Variants in CCDC91 observed in about 807,000 individuals in gnomAD.
CCDC91 encodes coiled-coil domain containing 91.
In CCDC91, 48 loss-of-function variants were observed where a neutral mutation model predicts 63.2. The observed-to-expected ratio is 0.76, with a 90% CI of 0.60 to 0.97. The LOEUF is 0.97. CCDC91 is among the 50% of genes least tolerant of loss of function. CCDC91 has a pLI of 0.00. For synonymous variants in CCDC91, 167 were observed against 165.8 expected (o/e 1.01, Z -0.06); for missense variants, 500 against 494.6 (o/e 1.01, Z -0.10).
At chr12:28,237,986 A>AT (rs1329350181) in intron 1 of CCDC91, among the ~76,000 whole-genome samples, 2 of 151,900 alleles carry the variant, frequency 1.3e-5, no homozygotes, top group East Asian at 3.9e-4. Context: ...TTAATTCTTA[A>AT]TTTTTTCCCT....
chr12:28,494,800 C>T (rs919246315), intron 12 of CCDC91, among the ~76,000 whole-genome samples: 2 of 151,634 alleles, frequency 1.3e-5, no homozygotes, highest in Non-Finnish European at 2.9e-5. Context: ...TAGTTGTATA[C>T]CTGGTCCTAA....
chr12:28,483,306 G>A (rs1426484086), intron 11 of CCDC91, among the ~76,000 whole-genome samples: 2 of 151,942 alleles, frequency 1.3e-5, no homozygotes, highest in African/African-American at 4.8e-5. Context: ...AAAAAGGGTG[G>A]TACCTATAGA....
intron 12 of CCDC91, among the ~76,000 whole-genome samples, chr12:28,540,044 G>A (rs1445123373): frequency 1.3e-5 from 2 of 152,110 alleles, no homozygotes; most frequent in African/African-American, 2.4e-5. Context: ...TTTCACTTGT[G>A]TAGTTAGCCA....
chr12:28,282,096 A>G (rs1177712015), intron 3 of CCDC91, among the ~76,000 whole-genome samples: 1 of 152,188 alleles, frequency 6.6e-6, no homozygotes, highest in Non-Finnish European at 1.5e-5. Context: ...AAGAATGAAG[A>G]TGAACTTTAC....
chr12:28,326,139 G>A (rs545271852), intron 6 of CCDC91, among the ~76,000 whole-genome samples: 81 of 152,066 alleles, frequency 5.3e-4, no homozygotes, highest in African/African-American at 1.9e-3. Context: ...TCCCTCCAGT[G>A]GACCCCTCAT....
At chr12:28,270,768 G>T (rs1947715428) in intron 3 of CCDC91, among the ~76,000 whole-genome samples, 1 of 152,156 alleles carries the variant, frequency 6.6e-6, no homozygotes, top group South Asian at 2.1e-4. Context: ...TACTTCTCCT[G>T]ATTTTTTAAA....
chr12:28,426,794 T>C (rs1326817964), intron 8 of CCDC91, among the ~76,000 whole-genome samples: 1 of 152,216 alleles, frequency 6.6e-6, no homozygotes, highest in Non-Finnish European at 1.5e-5. Context: ...ATGTTTGTCA[T>C]ATCCGAAACT....
At chr12:28,278,458 G>T (rs1948389783) in intron 3 of CCDC91, among the ~76,000 whole-genome samples, 1 of 151,972 alleles carries the variant, frequency 6.6e-6, no homozygotes, top group African/African-American at 2.4e-5. Flanking sequence ...GTAACTTAAA[G>T]TCAGCATCTC....
rs1325729584 is a variant in CCDC91 at position 28,267,821 on chromosome 12, T to TATAATTATA, written c.109+8379_109+8380insATAATTATA. On this transcript the variant is annotated intron_variant, in intron 3 of 12. Coordinates refer to ENST00000536442, the MANE Select transcript of CCDC91 (RefSeq NM_018318.5). ...AATTATATAGTAATATATAATTATATTATTAATATATAATTATATATAATT... is the reference window on the plus strand; with the variant it reads ...AATTATATAGTAATATATAATTATATATAATTATATATTAATATATAATTATATATAATT... Among the ~76,000 whole-genome samples the TATAATTATA allele has an allele frequency of 4.4e-3, 107 of 24,502 alleles. 4 individuals carry two copies. Among genetic ancestry groups the TATAATTATA allele is most frequent in the South Asian group, 6.7e-3 (6 of 890 alleles). 16.1% of individuals were successfully genotyped at this position (24,502 alleles called of 152,430 possible).
At position 28,305,693 on chromosome 12, in the gene CCDC91, G is replaced by T. The variant is rs576119782; in HGVS notation, c.154G>T (p.Asp52Tyr). 6.2e-7 allele frequency: 1 copy of T among 1,613,100 alleles called. No individual in the cohort carries two copies. The highest frequency in any genetic ancestry group is 1.1e-5 in the South Asian group (1 of 91,046). ...ACCATCTTCTCCTGAGATTGTACTG[G>T]ACCGTGACCACTCTTCTTCCATTGG... ...LSPSSPEIVL[D>Y]RDHSSSIGCL... The change falls in exon 4 of 13, where the codon GAC becomes TAC. Residue 52 changes from aspartate to tyrosine, a missense_variant. Transcript: ENST00000536442.
At chr12:28,365,784 A>C (rs896495658) in intron 7 of CCDC91, among the ~76,000 whole-genome samples, 1 of 152,204 alleles carries the variant, frequency 6.6e-6, no homozygotes, top group Admixed American at 6.5e-5. Flanking sequence ...TTGACATTTC[A>C]GTTTTCAGGG....
chr12:28,253,012 G>GT (rs929042652), intron 1 of CCDC91, among the ~76,000 whole-genome samples: 2 of 152,164 alleles, frequency 1.3e-5, no homozygotes, highest in African/African-American at 4.8e-5. Flanking sequence ...ATGTAACACA[G>GT]TAAGTGGCAG....
intron 3 of CCDC91, among the ~76,000 whole-genome samples, chr12:28,267,723 ATTATTT>A (rs1393098259): frequency 5.8e-5 from 3 of 51,766 alleles, no homozygotes; most frequent in East Asian, 9.0e-4. Context: ...AATTATATAT[ATTATTT>A]ATTATATATA....
intron 8 of CCDC91, among the ~76,000 whole-genome samples, chr12:28,406,810 AT>A (rs375722489): frequency 3.4e-5 from 5 of 148,080 alleles, no homozygotes; most frequent in East Asian, 1.9e-4. Context: ...GATTTTAACT[AT>A]TTTTTTTTGA....
chr12:28,458,959 A>G (rs1950184671), intron 11 of CCDC91, among the ~76,000 whole-genome samples: 2 of 152,136 alleles, frequency 1.3e-5, no homozygotes, highest in Non-Finnish European at 2.9e-5. Flanking sequence ...ATAAGATAAA[A>G]GATAAGATAA....
chr12:28,247,156 G>A (rs1168166404), intron 1 of CCDC91, among the ~76,000 whole-genome samples: 2 of 152,192 alleles, frequency 1.3e-5, no homozygotes, highest in East Asian at 3.9e-4. Context: ...GAAGCAACTA[G>A]GTTACAAAGG....
At chr12:28,437,373 A>C (rs1335630969) in intron 8 of CCDC91, among the ~76,000 whole-genome samples, 1 of 152,048 alleles carries the variant, frequency 6.6e-6, no homozygotes, top group Non-Finnish European at 1.5e-5. Context: ...ATGTTGCCTT[A>C]TATATCTTCA....
intron 1 of CCDC91, among the ~76,000 whole-genome samples, chr12:28,212,195 C>A (rs531003212): frequency 3.3e-5 from 5 of 152,140 alleles, no homozygotes; most frequent in Non-Finnish European, 7.4e-5. Flanking sequence ...TTGGATCCCG[C>A]TTCTGACACT....
Position 28,412,701 on chromosome 12 carries a change from T to C in CCDC91, c.762+21290T>C, listed in dbSNP as rs114554542. ...AGGTTGCTGCTGCTGGCTGGGGTGG[T>C]CAGCTTTTATCCCCTTATTGTCCCC... On this transcript the variant is annotated intron_variant, in intron 8 of 12. Transcript: ENST00000536442. The C allele has an allele frequency of 5.3e-3, 2,411 of 451,638 alleles. 54 individuals are homozygous for C. Among genetic ancestry groups the C allele is most frequent in the African/African-American group, 0.044 (2,208 of 49,990 alleles). The allele number at this position is 451,638 out of a possible 1,614,324, so 28.0% of individuals were successfully genotyped here.
Sources: gnomAD v4.1 joint callset for allele counts (sites outside exome capture counted in the v4.1 genomes callset) on GRCh38, gnomAD v4.1.1 for gene constraint, MANE v1.5 for transcripts, NCBI Gene and HGNC (gene_info 2026-07-23, HGNC 2026-07-21) for gene names.